The following TAFA4 variants were observed in gnomAD, a reference collection of about 807,000 sequenced individuals.
TAFA4 encodes the protein chemokine-like protein TAFA-4.
TAFA4 carries 20 observed loss-of-function variants against 21.1 expected under a neutral mutation model. The observed-to-expected ratio is 0.95, with a 90% CI of 0.67 to 1.38. The LOEUF (loss-of-function observed/expected upper bound fraction) is 1.38, where lower values mean the gene tolerates loss of function less well. Among genes scored for constraint, TAFA4 ranks in the 40% most tolerant of loss-of-function variants. TAFA4 has a pLI of 0.00. For synonymous variants in TAFA4, 71 were observed against 67.4 expected, an observed-to-expected ratio of 1.05 and a Z score of -0.26; for missense variants, 211 against 180.9, an observed-to-expected ratio of 1.17 and a Z score of -0.95.
chr3:68,806,986 A>G (rs1381298379), intron 3 of TAFA4, among the ~76,000 whole-genome samples: 1 of 152,224 alleles, frequency 6.6e-6, no homozygotes, highest in Non-Finnish European at 1.5e-5. Flanking sequence ...AGCTGGAAAT[A>G]GGAGAATGAA....
intron 3 of TAFA4, among the ~76,000 whole-genome samples, chr3:68,772,695 G>A (rs1421969086): frequency 1.3e-5 from 2 of 152,182 alleles, no homozygotes. Context: ...AACTTCCAGT[G>A]CCTGGATGGG....
At chr3:68,913,229 C>T (rs1001276935) in intron 1 of TAFA4, among the ~76,000 whole-genome samples, 8 of 152,202 alleles carry the variant, frequency 5.3e-5, no homozygotes, top group African/African-American at 1.7e-4. Flanking sequence ...CATCTTCCAT[C>T]TAATCCTCAC....
At chr3:68,922,235 C>T (rs2090066772) in intron 1 of TAFA4, among the ~76,000 whole-genome samples, 1 of 152,148 alleles carries the variant, frequency 6.6e-6, no homozygotes, top group African/African-American at 2.4e-5. Flanking sequence ...CTCATGGGAG[C>T]CTCCTGGAAA....
At chr3:68,804,631 G>C (rs1004844964) in intron 3 of TAFA4, among the ~76,000 whole-genome samples, 36 of 152,088 alleles carry the variant, frequency 2.4e-4, no homozygotes, top group Non-Finnish European at 2.2e-4. Context: ...GAGAACAGAG[G>C]CCTCAGAAAT....
chr3:68,845,023 A>T (rs963477606), intron 3 of TAFA4, among the ~76,000 whole-genome samples: 1 of 152,128 alleles, frequency 6.6e-6, no homozygotes, highest in African/African-American at 2.4e-5. Context: ...TTCTGTAGAG[A>T]TCTACTAGGT....
At chr3:68,908,246 A>G (rs562812034) in intron 1 of TAFA4, among the ~76,000 whole-genome samples, 16 of 152,336 alleles carry the variant, frequency 1.1e-4, no homozygotes, top group Middle Eastern at 3.4e-3. Context: ...ACAGAGGTTA[A>G]CATTTTGGGA....
At chr3:68,740,443 C>T (rs1384853220) in intron 4 of TAFA4, among the ~76,000 whole-genome samples, 1 of 152,212 alleles carries the variant, frequency 6.6e-6, no homozygotes, top group Non-Finnish European at 1.5e-5. Context: ...ATGGGAGGGC[C>T]TGGCATTCCT....
At chr3:68,780,840 G>A (rs1213906986) in intron 3 of TAFA4, among the ~76,000 whole-genome samples, 1 of 150,752 alleles carries the variant, frequency 6.6e-6, no homozygotes, top group East Asian at 2.0e-4. Context: ...AAAAGCATCA[G>A]AATACATATT....
rs1329087886 is a variant in TAFA4 at position 68,847,360 on chromosome 3, C to G, written c.130+33370G>C. Among the ~76,000 whole-genome samples the G allele has an allele frequency of 2.6e-5, 4 of 152,212 alleles. No homozygotes were observed. In the East Asian group the frequency reaches 7.7e-4, roughly 29 times the overall value. ...CTCAAGCCTCAGTAATGACGGATGC[C>G]CCTCCTGCCACCAGGCTTGAGCATC... On this transcript the variant is annotated intron_variant, in intron 3 of 5. Transcript: ENST00000295569.
At chr3:68,758,239 A>C (rs1429620281) in intron 3 of TAFA4, among the ~76,000 whole-genome samples, 2 of 152,316 alleles carry the variant, frequency 1.3e-5, no homozygotes, top group African/African-American at 4.8e-5. Context: ...GTGTGATTCC[A>C]TACAGTCTTT....
chr3:68,905,414 C>T (rs1005698521), intron 1 of TAFA4, among the ~76,000 whole-genome samples: 5 of 152,044 alleles, frequency 3.3e-5, no homozygotes, highest in South Asian at 2.1e-4. Context: ...ATGATCCGTC[C>T]GCCTCGGCCT....
At chr3:68,736,541 C>T (rs6773473) in intron 5 of TAFA4, among the ~76,000 whole-genome samples, 95,339 of 151,900 alleles carry the variant, frequency 0.63, 30,363 homozygotes, top group East Asian at 0.85. Flanking sequence ...ACCATCTTAC[C>T]TTTAGCTTTT....
chr3:68,898,749 G>GT (rs907256969), intron 1 of TAFA4, among the ~76,000 whole-genome samples: 1 of 152,206 alleles, frequency 6.6e-6, no homozygotes, highest in African/African-American at 2.4e-5. Flanking sequence ...GAATAACCCT[G>GT]TAAGGAAGTC....
intron 3 of TAFA4, among the ~76,000 whole-genome samples, chr3:68,814,797 G>T (rs1012109981): frequency 6.6e-6 from 1 of 152,124 alleles, no homozygotes; most frequent in Non-Finnish European, 1.5e-5. Flanking sequence ...TTTCTTCACA[G>T]AATTGGAAAA....
At chr3:68,747,838 A>G (rs1030558160) in intron 4 of TAFA4, among the ~76,000 whole-genome samples, 4 of 152,180 alleles carry the variant, frequency 2.6e-5, no homozygotes, top group Non-Finnish European at 5.9e-5. Flanking sequence ...CCCAGAAGGC[A>G]GGAATTAAAT....
At chr3:68,771,872 G>C (rs1285727702) in intron 3 of TAFA4, among the ~76,000 whole-genome samples, 2 of 152,208 alleles carry the variant, frequency 1.3e-5, no homozygotes, top group African/African-American at 4.8e-5. Context: ...ATTTGTAGTA[G>C]CTGGAATTAT....
At chr3:68,796,570 A>G (rs1703457698) in intron 3 of TAFA4, among the ~76,000 whole-genome samples, 1 of 152,216 alleles carries the variant, frequency 6.6e-6, no homozygotes, top group Non-Finnish European at 1.5e-5. Flanking sequence ...GCTTCATGAC[A>G]TTAGATTTGG....
intron 1 of TAFA4, among the ~76,000 whole-genome samples, chr3:68,896,425 T>C (rs1374764139): frequency 1.3e-5 from 2 of 152,110 alleles, no homozygotes; most frequent in Non-Finnish European, 2.9e-5. Context: ...GAAAAACTGA[T>C]CTTCCAAGGC....
At chr3:68,760,834 G>A (rs1322133889) in intron 3 of TAFA4, among the ~76,000 whole-genome samples, 1 of 152,194 alleles carries the variant, frequency 6.6e-6, no homozygotes, top group Non-Finnish European at 1.5e-5. Flanking sequence ...TCGCAGTGTA[G>A]AAGACGATAG....
Sources: allele counts gnomAD v4.1 joint callset (sites outside exome capture counted in the v4.1 genomes callset), GRCh38; gene constraint gnomAD v4.1.1; transcripts MANE v1.5; gene names NCBI Gene and HGNC (gene_info 2026-07-23, HGNC 2026-07-21).